The following CALN1 variants were observed in gnomAD, a reference collection of about 807,000 sequenced individuals.
CALN1 encodes calneuron 1, also known as calcium-binding protein 8.
In CALN1, 17 loss-of-function variants were observed where a neutral mutation model predicts 30.6. That is an observed-to-expected ratio of 0.56 (90% CI 0.38 to 0.83). CALN1 has a LOEUF of 0.83. Among genes scored for constraint, CALN1 ranks in the 40% least tolerant of loss-of-function variants. The probability of loss-of-function intolerance (pLI) is 0.00; values close to 1 mark genes in which losing one functional copy is unlikely to be tolerated. For synonymous variants in CALN1, 156 were observed against 131.4 expected, an observed-to-expected ratio of 1.19 and a Z score of -1.28; for missense variants, 291 against 354.9, an observed-to-expected ratio of 0.82 and a Z score of 1.45.
chr7:72,054,470 T>C (rs1368973670), intron 4 of CALN1, among the ~76,000 whole-genome samples: 5 of 123,376 alleles, frequency 4.1e-5, no homozygotes, highest in East Asian at 4.4e-4. Context: ...TATATATACA[T>C]ATATACATAC....
chr7:71,914,075 C>T (rs768891011), intron 5 of CALN1, among the ~76,000 whole-genome samples: 7 of 152,050 alleles, frequency 4.6e-5, no homozygotes, highest in East Asian at 1.9e-4. Context: ...TTTTAAATTC[C>T]GGGGTAAAAG....
rs530492900 is a variant in CALN1, at chr7:71,951,730, T to TG, written c.501+71926dup. 4.4e-3 allele frequency among the ~76,000 whole-genome samples: 670 copies of TG among 152,340 alleles called. 6 individuals carry two copies. Among genetic ancestry groups the TG allele is most frequent in the Non-Finnish European group, 5.0e-3 (340 of 68,032 alleles). On this transcript the variant is annotated intron_variant, in intron 5 of 6. Coordinates refer to ENST00000395275, the MANE Select transcript of CALN1 (RefSeq NM_031468.4). ...TAAATATACTTTTTGGATTGGCAGATGTCACATACCCTACTAAGACAAAAC... is the reference window on the plus strand; with the variant it reads ...TAAATATACTTTTTGGATTGGCAGATGGTCACATACCCTACTAAGACAAAAC...
chr7:71,878,483 C>A (rs540435488), intron 5 of CALN1, among the ~76,000 whole-genome samples: 1 of 152,154 alleles, frequency 6.6e-6, no homozygotes, highest in African/African-American at 2.4e-5. Context: ...TATGAGACAG[C>A]TGGTACAGGG....
chr7:72,474,568 C>G, the CALN1 span, among the ~76,000 whole-genome samples: 1 of 152,010 alleles, frequency 6.6e-6, no homozygotes, highest in South Asian at 2.1e-4. Flanking sequence ...CCCTGTGGTC[C>G]CAGCTACTCA....
intron 3 of CALN1, among the ~76,000 whole-genome samples, chr7:72,236,132 T>C (rs982279599): frequency 2.0e-5 from 3 of 151,546 alleles, no homozygotes; most frequent in Non-Finnish European, 4.4e-5. Flanking sequence ...TGATTTCACA[T>C]TCCAGTCCAA....
chr7:72,287,164 G>T (rs1206609489), intron 2 of CALN1, among the ~76,000 whole-genome samples: 3 of 152,012 alleles, frequency 2.0e-5, no homozygotes, highest in Non-Finnish European at 4.4e-5. Flanking sequence ...ATTTTTTAAA[G>T]AAATAACATA....
intron 3 of CALN1, among the ~76,000 whole-genome samples, chr7:72,138,079 T>C (rs1337067900): frequency 3.9e-5 from 6 of 152,202 alleles, no homozygotes; most frequent in Non-Finnish European, 2.9e-5. Context: ...GGTGAAATAT[T>C]ACACACATTC....
intron 3 of CALN1, among the ~76,000 whole-genome samples, chr7:72,210,162 C>A (rs1488442520): frequency 6.6e-6 from 1 of 152,034 alleles, no homozygotes; most frequent in Non-Finnish European, 1.5e-5. Context: ...CCCCTTCCAG[C>A]CATCCACCTC....
At chr7:72,159,197 T>C (rs1364667031) in intron 3 of CALN1, among the ~76,000 whole-genome samples, 1 of 152,166 alleles carries the variant, frequency 6.6e-6, no homozygotes, top group African/African-American at 2.4e-5. Context: ...AGCCTCTCAC[T>C]GATGAAGGCA....
At chr7:72,359,312 A>G (rs1159240824) in intron 2 of CALN1, among the ~76,000 whole-genome samples, 1 of 152,148 alleles carries the variant, frequency 6.6e-6, no homozygotes, top group Non-Finnish European at 1.5e-5. Flanking sequence ...GTGAAAAACA[A>G]TATTCAATAA....
At chr7:72,024,262 A>T (rs1159978310) in intron 4 of CALN1, among the ~76,000 whole-genome samples, 1 of 152,210 alleles carries the variant, frequency 6.6e-6, no homozygotes, top group African/African-American at 2.4e-5. Flanking sequence ...AAATCCTTCT[A>T]AGAATTAATG....
intron 4 of CALN1, among the ~76,000 whole-genome samples, chr7:72,102,159 C>T (rs568012680): frequency 3.5e-4 from 53 of 151,670 alleles, no homozygotes; most frequent in Admixed American, 5.9e-4. Context: ...TTAAACATTA[C>T]GAGGGCTGGG....
chr7:72,168,706 A>G (rs903575710), intron 3 of CALN1, among the ~76,000 whole-genome samples: 4 of 151,926 alleles, frequency 2.6e-5, no homozygotes, highest in Non-Finnish European at 4.4e-5. Context: ...TCAATACAAT[A>G]TGCCATACTA....
chr7:72,479,211 C>T, the CALN1 span, among the ~76,000 whole-genome samples: 1 of 152,132 alleles, frequency 6.6e-6, no homozygotes, highest in East Asian at 1.9e-4. Flanking sequence ...AGTGTGTGTA[C>T]GTATATTTCA....
rs190598681 is a variant in CALN1, at chr7:72,029,179, T to G, written c.389-5410A>C. Among the ~76,000 whole-genome samples the G allele has an allele frequency of 1.3e-4, 20 of 151,934 alleles. No individual in the cohort carries two copies. In the East Asian group the frequency reaches 3.9e-3, roughly 30 times the overall value. ...TCTCACTCTGTTGCCCAGGCTGGAG[T>G]GCAGTGGCACGATCTCAGCTCACTG... On this transcript the variant is annotated intron_variant, in intron 4 of 6. Transcript: ENST00000395275.
At chr7:72,360,523 T>C (rs754815631) in intron 2 of CALN1, among the ~76,000 whole-genome samples, 3 of 151,590 alleles carry the variant, frequency 2.0e-5, no homozygotes, top group Non-Finnish European at 2.9e-5. Context: ...ACTGGCAACA[T>C]TGGATGTCAA....
chr7:71,822,476 G>A (rs189590192), intron 5 of CALN1, among the ~76,000 whole-genome samples: 299 of 152,314 alleles, frequency 2.0e-3, no homozygotes, highest in African/African-American at 6.7e-3. Flanking sequence ...TCGAACTCCC[G>A]ACCTCAGGTC....
chr7:72,112,913 G>C (rs562573949), intron 3 of CALN1, among the ~76,000 whole-genome samples: 1 of 152,174 alleles, frequency 6.6e-6, no homozygotes, highest in Non-Finnish European at 1.5e-5. Context: ...AGGAAGGGCT[G>C]TTGGGGTTAC....
intron 5 of CALN1, among the ~76,000 whole-genome samples, chr7:71,887,851 A>C (rs1323049146): frequency 6.6e-6 from 1 of 152,120 alleles, no homozygotes; most frequent in Non-Finnish European, 1.5e-5. Context: ...TTTGAATTAC[A>C]CAGTGAATGC....
Sources: gnomAD v4.1 joint callset for allele counts (sites outside exome capture counted in the v4.1 genomes callset) on GRCh38, gnomAD v4.1.1 for gene constraint, MANE v1.5 for transcripts, NCBI Gene and HGNC (gene_info 2026-07-23, HGNC 2026-07-21) for gene names.